Variants in CASK observed in about 807,000 individuals in gnomAD.
The protein encoded by CASK is peripheral plasma membrane protein CASK.
Under a neutral mutation model 82.9 loss-of-function variants are expected in CASK, and 4 were observed. That is an observed-to-expected ratio of 0.05 (90% confidence interval 0.02 to 0.11). The LOEUF (loss-of-function observed/expected upper bound fraction) is 0.11, where lower values mean the gene tolerates loss of function less well. Among genes scored for constraint, CASK ranks in the 10% least tolerant of loss-of-function variants. CASK has a pLI of 1.00. For missense variants in CASK, 358 were observed against 720.9 expected, an observed-to-expected ratio of 0.50 and a Z score of 5.76; for synonymous variants, 259 against 253.5, an observed-to-expected ratio of 1.02 and a Z score of -0.20.
intron 1 of CASK, among the ~76,000 whole-genome samples, chrX:41,879,881 C>T (rs1382916968): frequency 8.9e-6 from 1 of 112,092 alleles, no homozygotes; most frequent in Non-Finnish European, 1.9e-5. Flanking sequence ...AGTTGCTCTC[C>T]TGAATCCCAA....
intron 5 of CASK, among the ~76,000 whole-genome samples, chrX:41,716,570 T>C (rs2068065492): frequency 8.9e-6 from 1 of 112,389 alleles, no homozygotes; most frequent in South Asian, 3.7e-4. Flanking sequence ...ACCTCAACTT[T>C]TTTTTTACAT....
At chrX:41,821,065 G>GA (rs1205051261) in intron 2 of CASK, among the ~76,000 whole-genome samples, 1 of 111,085 alleles carries the variant, frequency 9.0e-6, no homozygotes, top group Non-Finnish European at 1.9e-5. Flanking sequence ...AACCATGAAG[G>GA]AAAAAAACTG....
chrX:41,530,136 G>A (rs2064779482), intron 25 of CASK, among the ~76,000 whole-genome samples: 1 of 111,313 alleles, frequency 9.0e-6, no homozygotes, highest in Non-Finnish European at 1.9e-5. Context: ...GTACAGATCA[G>A]TCCTAGAAAT....
At chrX:41,889,593 A>G (rs907450784) in intron 1 of CASK, among the ~76,000 whole-genome samples, 4 of 111,924 alleles carry the variant, frequency 3.6e-5, no homozygotes, top group African/African-American at 9.8e-5. Flanking sequence ...ACACCAAACA[A>G]TATTTTGAAA....
chrX:41,585,409 G>GA (rs1306747710), intron 14 of CASK: 2 of 112,280 alleles, frequency 1.8e-5, no homozygotes, highest in East Asian at 2.8e-4. Flanking sequence ...TTACTTTTAG[G>GA]AAAAAAACTT....
chrX:41,587,827 C>T (rs2065679655), intron 13 of CASK: 1 of 112,118 alleles, frequency 8.9e-6, no homozygotes, highest in Admixed American at 9.5e-5. Context: ...GAGTAAACAC[C>T]TGCTGCTATT....
At chrX:41,853,258 T>A in intron 1 of CASK, 31 bp from the exon 2 acceptor site, 1 of 907,449 alleles carries the variant, frequency 1.1e-6, no homozygotes, top group Non-Finnish European at 1.6e-6. Context: ...TTTAATTCAT[T>A]GATTCTCTTA....
At chrX:41,600,491 A>C (rs992858752) in intron 12 of CASK, among the ~76,000 whole-genome samples, 9 of 112,507 alleles carry the variant, frequency 8.0e-5, no homozygotes, top group African/African-American at 2.9e-4. Flanking sequence ...GCTTTCTGCA[A>C]ATTCCTTTGC....
intron 3 of CASK, among the ~76,000 whole-genome samples, chrX:41,785,654 TCTTTGTTTCAGCTC>T (rs1367105232): frequency 8.9e-6 from 1 of 112,406 alleles, no homozygotes; most frequent in Non-Finnish European, 1.9e-5. Flanking sequence ...AATTTCACCT[TCTTTGTTTCAGCTC>T]CTTTGCTACA....
intron 2 of CASK, among the ~76,000 whole-genome samples, chrX:41,831,976 A>G (rs1259319442): frequency 9.1e-6 from 1 of 110,389 alleles, no homozygotes; most frequent in African/African-American, 3.3e-5. Flanking sequence ...AAATAAATAA[A>G]TAAATAAATA....
intron 3 of CASK, among the ~76,000 whole-genome samples, chrX:41,747,367 T>A (rs1311645375): frequency 8.9e-6 from 1 of 111,813 alleles, no homozygotes. Flanking sequence ...TGATCATGCA[T>A]CTTGGTGAGC....
At chrX:41,531,795 T>C (rs2064807336) in intron 24 of CASK, among the ~76,000 whole-genome samples, 1 of 111,919 alleles carries the variant, frequency 8.9e-6, no homozygotes, top group South Asian at 3.7e-4. Flanking sequence ...AAAAGGAGAA[T>C]GTTAGGATAC....
chrX:41,627,336 A>G (rs1451668524), intron 9 of CASK, among the ~76,000 whole-genome samples: 1 of 112,271 alleles, frequency 8.9e-6, no homozygotes, highest in Non-Finnish European at 1.9e-5. Flanking sequence ...CTGCCATTTG[A>G]GTGCATGACA....
chrX:41,796,024 G>C (rs1225813860), intron 2 of CASK, among the ~76,000 whole-genome samples: 3 of 111,767 alleles, frequency 2.7e-5, no homozygotes, highest in Non-Finnish European at 3.8e-5. Flanking sequence ...TTTCCAGGTT[G>C]AAAGTCCTGG....
chrX:41,606,853 CA>C (rs1392505048), intron 12 of CASK, among the ~76,000 whole-genome samples: 1 of 110,246 alleles, frequency 9.1e-6, no homozygotes, highest in Non-Finnish European at 1.9e-5. Flanking sequence ...CCACCATGCC[CA>C]GCTGCTTTTT....
At chrX:41,539,309 T>C (rs1439819903) in intron 22 of CASK, among the ~76,000 whole-genome samples, 1 of 112,091 alleles carries the variant, frequency 8.9e-6, no homozygotes, top group Admixed American at 9.5e-5. Context: ...AATGACAAAA[T>C]TCCCAACCTT....
chrX:41,693,791 G>A (rs2067626011), intron 5 of CASK, among the ~76,000 whole-genome samples: 1 of 111,196 alleles, frequency 9.0e-6, no homozygotes, highest in African/African-American at 3.3e-5. Context: ...CTGAATTCTG[G>A]AAACAGGCTC....
At chrX:41,560,262 T>A (rs750802829) in intron 17 of CASK, among the ~76,000 whole-genome samples, 31 of 111,316 alleles carry the variant, frequency 2.8e-4, no homozygotes, top group Non-Finnish European at 4.2e-4. Flanking sequence ...TTTAAAAATT[T>A]TTTATTTATT....
intron 3 of CASK, among the ~76,000 whole-genome samples, chrX:41,749,161 C>T (rs182118294): frequency 9.3e-6 from 1 of 107,920 alleles, no homozygotes; most frequent in East Asian, 3.0e-4. Flanking sequence ...TGGTGGCCTG[C>T]GCCTGTAGTC....
Sources: gnomAD v4.1 joint callset for allele counts (sites outside exome capture counted in the v4.1 genomes callset) on GRCh38, gnomAD v4.1.1 for gene constraint, MANE v1.5 for transcripts, NCBI Gene and HGNC (gene_info 2026-07-23, HGNC 2026-07-21) for gene names.